GARRE1: variants seen among roughly 807,000 people sequenced by gnomAD.
GARRE1 encodes granule associated Rac and RHOG effector 1, also known as granule associated Rac and RHOG effector protein 1.
In GARRE1, 49 loss-of-function variants were observed where a neutral mutation model predicts 103.2. The observed-to-expected ratio is 0.47, with a 90% CI of 0.38 to 0.60. GARRE1 has a LOEUF of 0.60. GARRE1 is among the 20% of genes least tolerant of loss of function. The pLI is 0.00. For synonymous variants in GARRE1, 505 were observed against 532.8 expected, an observed-to-expected ratio of 0.95 and a Z score of 0.72; for missense variants, 1,199 against 1,370.5, an observed-to-expected ratio of 0.87 and a Z score of 1.98.
chr19:34,292,776 C>T (rs1342964491), intron 1 of GARRE1, among the ~76,000 whole-genome samples: 2 of 151,942 alleles, frequency 1.3e-5, no homozygotes, highest in Non-Finnish European at 2.9e-5. Context: ...GCTCCATCAC[C>T]CAGGGTGGAA....
chr19:34,279,372 C>T (rs2073837190), intron 1 of GARRE1, among the ~76,000 whole-genome samples: 1 of 152,038 alleles, frequency 6.6e-6, no homozygotes, highest in Non-Finnish European at 1.5e-5. Context: ...CCATTGCGAT[C>T]TCGGCTCACT....
At chr19:34,326,641 G>T (rs1354245920) in intron 3 of GARRE1, among the ~76,000 whole-genome samples, 1 of 150,316 alleles carries the variant, frequency 6.7e-6, no homozygotes, top group South Asian at 2.1e-4. Flanking sequence ...ATGTATTCAT[G>T]TGGTCTTTTC....
Position 34,347,876 on chromosome 19 carries a change from G to T in GARRE1, c.2522-1G>T. 6.5e-7 allele frequency: 1 copy of T among 1,541,682 alleles called. No individual in the cohort carries two copies. The highest frequency in any genetic ancestry group is 8.8e-7 in the Non-Finnish European group (1 of 1,139,030). On this transcript the variant is annotated splice_acceptor_variant, in intron 10 of 13. Coordinates refer to ENST00000299505, the MANE Select transcript of GARRE1 (RefSeq NM_014686.5). LOFTEE classifies it high-confidence loss of function. ...CGGTTTATTCCTTTGTCCCAATGCA[G>T]TGGGCTCAGACCCAGAGTTTGCACG...
At chr19:34,270,921 T>C (rs1211182114) in intron 1 of GARRE1, among the ~76,000 whole-genome samples, 11 of 152,172 alleles carry the variant, frequency 7.2e-5, no homozygotes, top group Admixed American at 4.6e-4. Context: ...ACTTCTGGCC[T>C]CTACCCACTG....
intron 1 of GARRE1, among the ~76,000 whole-genome samples, chr19:34,258,931 G>A (rs1405059072): frequency 6.6e-6 from 1 of 152,138 alleles, no homozygotes; most frequent in Non-Finnish European, 1.5e-5. Flanking sequence ...CTGGCACAGG[G>A]GCTCATGCCT....
intron 13 of GARRE1, 140 bp from the exon 14 acceptor site, chr19:34,352,507 G>A: frequency 1.4e-6 from 1 of 695,364 alleles, no homozygotes; most frequent in Non-Finnish European, 2.5e-6. Flanking sequence ...ATTGCAAGAA[G>A]TTCTGTTGGA....
At chr19:34,278,216 G>A (rs1443336632) in intron 1 of GARRE1, among the ~76,000 whole-genome samples, 2 of 151,834 alleles carry the variant, frequency 1.3e-5, no homozygotes, top group Admixed American at 1.3e-4. Flanking sequence ...GGCTGAAGCG[G>A]GTGGATCACC....
chr19:34,258,630 AT>A (rs970591713), intron 1 of GARRE1, among the ~76,000 whole-genome samples: 3 of 152,046 alleles, frequency 2.0e-5, no homozygotes, highest in African/African-American at 7.2e-5. Context: ...TAAAAAAAAA[AT>A]ATTAAAAAAT....
At chr19:34,276,312 G>A (rs975689175) in intron 1 of GARRE1, among the ~76,000 whole-genome samples, 2 of 152,154 alleles carry the variant, frequency 1.3e-5, no homozygotes, top group Non-Finnish European at 2.9e-5. Context: ...CAAAGTGCTG[G>A]GATTACAGGG....
intron 2 of GARRE1, among the ~76,000 whole-genome samples, chr19:34,309,713 C>G (rs374839742): frequency 1.1e-3 from 168 of 152,154 alleles, no homozygotes; most frequent in Middle Eastern, 6.8e-3. Context: ...GGACCTTTTC[C>G]AAGTTTGCAA....
intron 7 of GARRE1, among the ~76,000 whole-genome samples, chr19:34,331,041 A>G (rs2074135708): frequency 6.6e-6 from 1 of 151,584 alleles, no homozygotes; most frequent in African/African-American, 2.4e-5. Context: ...CTGGGACTAC[A>G]GGCACGCACC....
chr19:34,257,541 A>G (rs939851352), intron 1 of GARRE1, among the ~76,000 whole-genome samples: 5 of 152,128 alleles, frequency 3.3e-5, no homozygotes, highest in African/African-American at 1.2e-4. Context: ...GTCCTTAGTG[A>G]AAAATGATGA....
intron 1 of GARRE1, among the ~76,000 whole-genome samples, chr19:34,272,865 T>C (rs770922084): frequency 6.6e-6 from 1 of 152,210 alleles, no homozygotes; most frequent in African/African-American, 2.4e-5. Context: ...CTTCATCTTA[T>C]TAGATGCCTC....
chr19:34,258,702 A>C (rs1052024278), intron 1 of GARRE1, among the ~76,000 whole-genome samples: 3 of 152,082 alleles, frequency 2.0e-5, no homozygotes, highest in African/African-American at 7.2e-5. Context: ...AGGTAGGAGA[A>C]TGGTGTGAAC....
intron 2 of GARRE1, among the ~76,000 whole-genome samples, chr19:34,318,712 G>A (rs1224334123): frequency 6.6e-6 from 1 of 152,202 alleles, no homozygotes; most frequent in Non-Finnish European, 1.5e-5. Flanking sequence ...TTGTGGTCAA[G>A]TTGCTTTGTA....
chr19:34,301,421 G>A (rs1471383426), intron 2 of GARRE1, among the ~76,000 whole-genome samples: 1 of 151,366 alleles, frequency 6.6e-6, no homozygotes, highest in Non-Finnish European at 1.5e-5. Flanking sequence ...AGCTGAGGTG[G>A]GAGGATTGCT....
intron 2 of GARRE1, among the ~76,000 whole-genome samples, chr19:34,314,371 C>T (rs979329227): frequency 1.3e-5 from 2 of 152,088 alleles, no homozygotes; most frequent in Non-Finnish European, 2.9e-5. Context: ...TCTATAGGTA[C>T]AAATATGGGC....
intron 1 of GARRE1, among the ~76,000 whole-genome samples, chr19:34,281,651 T>C (rs1214637356): frequency 6.6e-6 from 1 of 152,136 alleles, no homozygotes; most frequent in African/African-American, 2.4e-5. Flanking sequence ...TCTTGAACTC[T>C]AAAGCATTCC....
chr19:34,302,825 A>G (rs1188152973), intron 2 of GARRE1, among the ~76,000 whole-genome samples: 1 of 148,654 alleles, frequency 6.7e-6, no homozygotes, highest in Non-Finnish European at 1.5e-5. Context: ...GCTCACTGCA[A>G]CCTCTGCCTC....
Sources: allele counts gnomAD v4.1 joint callset (sites outside exome capture counted in the v4.1 genomes callset), GRCh38; gene constraint gnomAD v4.1.1; transcripts MANE v1.5; gene names NCBI Gene and HGNC (gene_info 2026-07-23, HGNC 2026-07-21).